Variants in LYRM4 observed in about 807,000 individuals in gnomAD.
LYRM4 encodes the protein LYR motif containing 4.
In LYRM4, 9 loss-of-function variants were observed where a neutral mutation model predicts 11.7. That is an observed-to-expected ratio of 0.77 (90% CI 0.46 to 1.34). The LOEUF is 1.34. Among genes scored for constraint, LYRM4 ranks in the 40% most tolerant of loss-of-function variants. The probability of loss-of-function intolerance (pLI) is 0.00; values close to 1 mark genes in which losing one functional copy is unlikely to be tolerated. For synonymous variants in LYRM4, 42 were observed against 40.4 expected, an observed-to-expected ratio of 1.04 and a Z score of -0.15; for missense variants, 133 against 112.5, an observed-to-expected ratio of 1.18 and a Z score of -0.82.
the LYRM4 span, chr6:5,086,549 C>A: frequency 3.9e-6 from 6 of 1,523,954 alleles, no homozygotes; most frequent in Non-Finnish European, 5.3e-6. Context: ...GCGCGCCCTG[C>A]GGACGCGCTC....
In LYRM4 at chr6:5,244,058, C is replaced by A. The variant is rs902960028; in HGVS notation, c.86+16590G>T. 4.6e-5 allele frequency among the ~76,000 whole-genome samples: 7 copies of A among 152,324 alleles called. No individual in the cohort carries two copies. The Middle Eastern group carries it at 0.014, about 296-fold the overall frequency. ...TAGTCTAAAGATGGTCCCAGACATG[C>A]GATGGTTTGACTTAGGATTTCTCGA... On this transcript the variant is annotated intron_variant, in intron 1 of 2. Transcript: ENST00000330636.
At chr6:5,166,820 A>G (rs1419374914) in intron 2 of LYRM4, among the ~76,000 whole-genome samples, 2 of 152,260 alleles carry the variant, frequency 1.3e-5, no homozygotes, top group Non-Finnish European at 2.9e-5. Flanking sequence ...TGAATTATTC[A>G]GAGTGTTTGA....
At chr6:5,246,613 T>G (rs1430029391) in intron 1 of LYRM4, among the ~76,000 whole-genome samples, 1 of 151,986 alleles carries the variant, frequency 6.6e-6, no homozygotes, top group African/African-American at 2.4e-5. Flanking sequence ...AGGTTAGAAG[T>G]CAGCATGGGA....
At chr6:5,225,435 G>C (rs34786113) in intron 1 of LYRM4, among the ~76,000 whole-genome samples, 2,164 of 151,998 alleles carry the variant, frequency 0.014, 20 homozygotes, top group Non-Finnish European at 0.018. Flanking sequence ...AAATCTCTAC[G>C]TGTACATTTT....
At chr6:5,106,859 T>G (rs545484939), downstream of LYRM4, 1 of 152,334 alleles carries the variant, frequency 6.6e-6, no homozygotes, top group African/African-American at 2.4e-5. Context: ...TAGAGAGTTC[T>G]GTGAGGCTGG....
chr6:5,149,497 C>T lies in LYRM4; in HGVS notation c.208-40006G>A, dbSNP rs570914165. On this transcript the variant is annotated intron_variant, in intron 2 of 2. Coordinates refer to ENST00000330636, the MANE Select transcript of LYRM4 (RefSeq NM_020408.6). ...CTGGGATTCAAACCTCTTTACATGT[C>T]TGCTTTCAAAGTCGTAGCTCAAACC... Among the ~76,000 whole-genome samples the T allele has an allele frequency of 5.3e-5, 8 of 152,124 alleles. No homozygotes were observed. In the South Asian group the frequency reaches 1.7e-3, roughly 32 times the overall value.
At chr6:5,130,673 G>A (rs919611124) in intron 2 of LYRM4, among the ~76,000 whole-genome samples, 1 of 152,062 alleles carries the variant, frequency 6.6e-6, no homozygotes, top group East Asian at 1.9e-4. Flanking sequence ...TCAGAGACTC[G>A]GGAAAAACAA....
intron 2 of LYRM4, among the ~76,000 whole-genome samples, chr6:5,140,801 A>G (rs940026969): frequency 6.6e-6 from 1 of 152,252 alleles, no homozygotes; most frequent in Non-Finnish European, 1.5e-5. Flanking sequence ...GAAAAATAAA[A>G]GAGGTAACAC....
intron 1 of LYRM4, among the ~76,000 whole-genome samples, chr6:5,252,340 T>C (rs1297928788): frequency 1.3e-5 from 2 of 152,194 alleles, no homozygotes; most frequent in South Asian, 2.1e-4. Context: ...ACCAATCAAG[T>C]TGCTTCTCCT....
the LYRM4 span, among the ~76,000 whole-genome samples, chr6:5,040,437 C>T: frequency 1.3e-5 from 2 of 150,334 alleles, no homozygotes; most frequent in Non-Finnish European, 3.0e-5. Flanking sequence ...CATGGTGGCT[C>T]ATGCCTGTAA....
chr6:5,090,676 C>T, the LYRM4 span, among the ~76,000 whole-genome samples: 3 of 152,274 alleles, frequency 2.0e-5, no homozygotes, highest in South Asian at 2.1e-4. The surrounding 1 kb of genome is among the most constrained non-coding windows in gnomAD (Gnocchi z 4.8). Flanking sequence ...CTGCCTTGAC[C>T]GAGGGGTGAG....
At chr6:5,256,491 G>GAAAAAAAAAAAAAA (rs1161084364) in intron 1 of LYRM4, among the ~76,000 whole-genome samples, 1 of 43,860 alleles carries the variant, frequency 2.3e-5, no homozygotes, top group Non-Finnish European at 3.6e-5. Flanking sequence ...ATTTCAACTG[G>GAAAAAAAAAAAAAA]AAAAAAAAAA....
At chr6:5,121,066 C>G (rs368013749) in intron 2 of LYRM4, among the ~76,000 whole-genome samples, 1 of 152,186 alleles carries the variant, frequency 6.6e-6, no homozygotes, top group Non-Finnish European at 1.5e-5. Flanking sequence ...GGGATTCAGG[C>G]TTAGCACTTA....
intron 2 of LYRM4, among the ~76,000 whole-genome samples, chr6:5,198,555 G>A (rs1209010330): frequency 6.6e-6 from 1 of 152,168 alleles, no homozygotes; most frequent in Admixed American, 6.5e-5. Flanking sequence ...GCTCAGGGAG[G>A]GCCACAGGGA....
intron 2 of LYRM4, among the ~76,000 whole-genome samples, chr6:5,210,500 A>C (rs1050454615): frequency 7.2e-5 from 11 of 152,126 alleles, no homozygotes; most frequent in African/African-American, 2.7e-4. Flanking sequence ...GTTTTGAAAA[A>C]GAAGGGACTT....
At chr6:5,181,031 T>C (rs1760040671) in intron 2 of LYRM4, among the ~76,000 whole-genome samples, 1 of 152,228 alleles carries the variant, frequency 6.6e-6, no homozygotes, top group Non-Finnish European at 1.5e-5. Flanking sequence ...TGCACAGAGT[T>C]TTGCTTTCTT....
chr6:5,213,376 G>A (rs1167364605), intron 2 of LYRM4, among the ~76,000 whole-genome samples: 5 of 152,202 alleles, frequency 3.3e-5, no homozygotes, highest in Non-Finnish European at 2.9e-5. Context: ...GACTGAAGAA[G>A]CCACCCTCTG....
At chr6:5,080,465 C>A in the LYRM4 span, among the ~76,000 whole-genome samples, 2 of 152,142 alleles carry the variant, frequency 1.3e-5, no homozygotes, top group African/African-American at 4.8e-5. Context: ...ATACAGGAGG[C>A]CTGCAATCTG....
At chr6:5,241,018 T>G (rs1189047153) in intron 1 of LYRM4, among the ~76,000 whole-genome samples, 1 of 152,210 alleles carries the variant, frequency 6.6e-6, no homozygotes, top group Non-Finnish European at 1.5e-5. Context: ...TTAAGCTGGC[T>G]CCATACCAAC....
Sources: allele counts gnomAD v4.1 joint callset (sites outside exome capture counted in the v4.1 genomes callset), GRCh38; gene constraint gnomAD v4.1.1; non-coding constraint Gnocchi (gnomAD v3.1); transcripts MANE v1.5; gene names NCBI Gene and HGNC (gene_info 2026-07-23, HGNC 2026-07-21).